The following SLC6A3 variants were observed in gnomAD, a reference collection of about 807,000 sequenced individuals.
The protein encoded by SLC6A3 is solute carrier family 6 member 3.
In SLC6A3, 19 loss-of-function variants were observed where a neutral mutation model predicts 70.4. The observed-to-expected ratio is 0.27, with a 90% CI of 0.19 to 0.40. The LOEUF is 0.40. SLC6A3 is among the 10% of genes least tolerant of loss of function. The probability of loss-of-function intolerance (pLI) is 1.00; values close to 1 mark genes in which losing one functional copy is unlikely to be tolerated. For missense variants in SLC6A3, 613 were observed against 838.5 expected (o/e 0.73, Z 3.32); for synonymous variants, 368 against 356.6 (o/e 1.03, Z -0.36).
Position 1,397,488 on chromosome 5 carries a change from G to A in SLC6A3, c.1840-2730C>T, listed in dbSNP as rs765792393. On this transcript the variant is annotated intron_variant, in intron 14 of 14. Transcript: ENST00000270349. This position sits in a 1 kb window ranked among gnomAD's most constrained non-coding sequence, Gnocchi z 4.7. ...AAAGAAACCCAGGTCCCGACACTCC[G>A]CAGTGAACCCGAGACACCGAAAGCA... Among the ~76,000 whole-genome samples, 4 of 152,154 alleles carry A rather than the reference G, an allele frequency of 2.6e-5. No individual in the cohort carries two copies. Among genetic ancestry groups the A allele is most frequent in the South Asian group, 2.1e-4 (1 of 4,828 alleles).
In SLC6A3 at chr5:1,406,486, C is replaced by G. The variant is rs1250241405; in HGVS notation, c.1499-198G>C. On this transcript the variant is annotated intron_variant, in intron 11 of 14. Transcript: ENST00000270349. This position sits in a 1 kb window ranked among gnomAD's most constrained non-coding sequence, Gnocchi z 8.8. Reference sequence around the variant, plus strand: ...TCGCTGACGGGTGGGAGCCCACGTGCCTGCTCCACCCTGGAGATGCACCAG... The same window carrying G: ...TCGCTGACGGGTGGGAGCCCACGTGGCTGCTCCACCCTGGAGATGCACCAG... 6.6e-6 allele frequency among the ~76,000 whole-genome samples: 1 copy of G among 152,150 alleles called. No homozygotes were observed. The highest frequency in any genetic ancestry group is 1.5e-5 in the Non-Finnish European group (1 of 68,008).
At chr5:1,403,202 A>G in intron 12 of SLC6A3, 113 bp from the exon 13 acceptor site, 1 of 1,262,014 alleles carries the variant, frequency 7.9e-7, no homozygotes, top group Admixed American at 2.0e-5. Context: ...ACAGCTGTGC[A>G]GGTGCAGACC....
At chr5:1,434,786 CT>C (rs34389111) in intron 3 of SLC6A3, among the ~76,000 whole-genome samples, 1 of 152,184 alleles carries the variant, frequency 6.6e-6, no homozygotes. Flanking sequence ...GCCTGGGTTG[CT>C]TTTTATAGTC....
chr5:1,411,717 T>G lies in SLC6A3; in HGVS notation c.1157-362A>C, dbSNP rs554119513. ...CCTTCATCCCAGGGACATCTGCTAATGTCCTTCGAGTTAGTTTTTCCTGCA... is the reference window on the plus strand; with the variant it reads ...CCTTCATCCCAGGGACATCTGCTAAGGTCCTTCGAGTTAGTTTTTCCTGCA... On this transcript the variant is annotated intron_variant, in intron 8 of 14. Coordinates refer to ENST00000270349, the MANE Select transcript of SLC6A3 (RefSeq NM_001044.5). This position sits in a 1 kb window ranked among gnomAD's most constrained non-coding sequence, Gnocchi z 6.5. Among the ~76,000 whole-genome samples the G allele has an allele frequency of 6.6e-6, 1 of 152,340 alleles. No individual in the cohort carries two copies. Among genetic ancestry groups the G allele is most frequent in the Admixed American group, 6.5e-5 (1 of 15,304 alleles).
Position 1,399,815 on chromosome 5 carries a change from C to T in SLC6A3, c.1839+1100G>A, listed in dbSNP as rs534218309. Among the ~76,000 whole-genome samples the T allele has an allele frequency of 7.2e-5, 11 of 152,310 alleles. No individual in the cohort carries two copies. The East Asian group carries it at 1.2e-3, about 16-fold the overall frequency. Reference sequence around the variant, plus strand: ...AGCTGTGCAGATGTGTGCTCAGAGGCGGCTTCTCCCCACTGCCTCCCGGCC... The same window carrying T: ...AGCTGTGCAGATGTGTGCTCAGAGGTGGCTTCTCCCCACTGCCTCCCGGCC... On this transcript the variant is annotated intron_variant, in intron 14 of 14. Coordinates refer to ENST00000270349, the MANE Select transcript of SLC6A3 (RefSeq NM_001044.5).
chr5:1,441,125 AG>A (rs1733648012), intron 3 of SLC6A3, among the ~76,000 whole-genome samples: 1 of 152,266 alleles, frequency 6.6e-6, no homozygotes, highest in Non-Finnish European at 1.5e-5. Context: ...ATCTTGACAA[AG>A]TAACACCACA....
At chr5:1,414,928 AG>A (rs886276754) in intron 7 of SLC6A3, 113 bp from the exon 8 acceptor site, 1 of 1,385,494 alleles carries the variant, frequency 7.2e-7, no homozygotes, top group Non-Finnish European at 1.0e-6. Context: ...AGGTCTTCGG[AG>A]GGGCTACTTT....
intron 4 of SLC6A3, among the ~76,000 whole-genome samples, chr5:1,429,393 G>A (rs1274463925): frequency 1.3e-5 from 2 of 152,188 alleles, no homozygotes; most frequent in African/African-American, 2.4e-5. Flanking sequence ...AGTGTACCAC[G>A]TGCCAGTGCG....
chr5:1,410,946 GTGTA>G (rs1171247573), intron 9 of SLC6A3, among the ~76,000 whole-genome samples: 1 of 147,744 alleles, frequency 6.8e-6, no homozygotes, highest in African/African-American at 2.4e-5. Flanking sequence ...ATGTGTGTGC[GTGTA>G]TGTGTGTGTG....
rs370835606 is a variant in SLC6A3, at chr5:1,420,859, C to A, written c.793-156G>T. On this transcript the variant is annotated intron_variant, in intron 5 of 14. Coordinates refer to ENST00000270349, the MANE Select transcript of SLC6A3 (RefSeq NM_001044.5). ...TGGGACGCCAGCTCAGCAAATGCTCCTTGGAGTGAGAAGGTCAGACACTTT... is the reference window on the plus strand; with the variant it reads ...TGGGACGCCAGCTCAGCAAATGCTCATTGGAGTGAGAAGGTCAGACACTTT... Among the ~76,000 whole-genome samples the A allele has an allele frequency of 1.3e-3, 201 of 152,342 alleles. 8 individuals are homozygous for A. The South Asian group carries it at 0.04, about 30-fold the overall frequency.
Position 1,411,189 on chromosome 5 carries a change from G to A in SLC6A3, c.1269+54C>T, listed in dbSNP as rs111498846. The A allele has an allele frequency of 1.9e-4, 246 of 1,276,142 alleles. No individual in the cohort carries two copies. The highest frequency in any genetic ancestry group is 1.8e-3 in the African/African-American group (121 of 67,684). The allele number at this position is 1,276,142 out of a possible 1,614,324, so 79.1% of individuals were successfully genotyped here. A position where few individuals can be genotyped will look rare whatever the true frequency, so the allele number is the denominator to read the frequency against. On this transcript the variant is annotated intron_variant, in intron 9 of 14. Coordinates refer to ENST00000270349, the MANE Select transcript of SLC6A3 (RefSeq NM_001044.5). The surrounding 1 kb of genome is among the most constrained non-coding windows in gnomAD (Gnocchi z 6.5). ...AGCCCTGGGAGGGCAGGGCCCCCTCGGGTGGAAGGAACCCAACTGCCGAGG... is the reference window on the plus strand; with the variant it reads ...AGCCCTGGGAGGGCAGGGCCCCCTCAGGTGGAAGGAACCCAACTGCCGAGG...
Position 1,421,788 on chromosome 5 carries a change from CA to C in SLC6A3, c.792+87del. On this transcript the variant is annotated intron_variant, in intron 5 of 14. Transcript: ENST00000270349. The surrounding 1 kb of genome is among the most constrained non-coding windows in gnomAD (Gnocchi z 7.2). Reference sequence around the variant, plus strand: ...TGGTAGCACAAAACCCAACTGAGGCCACACGTGCACCTCCTGTCCAGCCACG... The same window carrying C: ...TGGTAGCACAAAACCCAACTGAGGCCCACGTGCACCTCCTGTCCAGCCACG... 6.2e-6 allele frequency: 9 copies of C among 1,442,908 alleles called. No individual in the cohort carries two copies. The highest frequency in any genetic ancestry group is 8.7e-6 in the Non-Finnish European group (9 of 1,029,816). The allele number at this position is 1,442,908 out of a possible 1,614,324, so 89.4% of individuals were successfully genotyped here.
chr5:1,440,028 G>A (rs897352472), intron 3 of SLC6A3, among the ~76,000 whole-genome samples: 10 of 152,222 alleles, frequency 6.6e-5, no homozygotes, highest in African/African-American at 2.4e-4. Context: ...TGCTGGGCAG[G>A]CCACCTGCAC....
At chr5:1,399,635 G>C (rs1050970075) in intron 14 of SLC6A3, among the ~76,000 whole-genome samples, 1 of 152,200 alleles carries the variant, frequency 6.6e-6, no homozygotes, top group Admixed American at 6.5e-5. Flanking sequence ...GAGGCCCAGT[G>C]GGGAGGGGCT....
chr5:1,414,755 G>T lies in SLC6A3; in HGVS notation c.1092C>A (p.Val364=), dbSNP rs1356562684. The change falls in exon 8 of 15, where the codon GTC becomes GTA. Residue 364 remains valine (V), a synonymous_variant. Coordinates refer to ENST00000270349, the MANE Select transcript of SLC6A3 (RefSeq NM_001044.5). The part of the protein sequence containing the change: ...SLTSFSSGFV[V]FSFLGYMAQK... ...GTGCCATGTACCCCAGGAAGGAGAA[G>T]ACGACGAAGCCGGAGGAGAAGCTCG... The T allele has an allele frequency of 6.2e-7, 1 of 1,612,950 alleles. No individual in the cohort carries two copies. The highest frequency in any genetic ancestry group is 2.2e-5 in the East Asian group (1 of 44,884).
chr5:1,425,219 C>G (rs554856452), intron 4 of SLC6A3, among the ~76,000 whole-genome samples: 42 of 152,334 alleles, frequency 2.8e-4, no homozygotes, highest in African/African-American at 9.6e-4. Flanking sequence ...CAGGCATGCT[C>G]AGGCCTCCCA....
At chr5:1,399,813 G>T (rs1755801407) in intron 14 of SLC6A3, among the ~76,000 whole-genome samples, 1 of 152,220 alleles carries the variant, frequency 6.6e-6, no homozygotes. Context: ...TGTGCTCAGA[G>T]GCGGCTTCTC....
rs1162161793 is a variant in SLC6A3, at chr5:1,411,212, A to G, written c.1269+31T>C. 1 of 1,471,746 alleles carries G rather than the reference A, an allele frequency of 6.8e-7. No individual in the cohort carries two copies. The highest frequency in any genetic ancestry group is 9.3e-7 in the Non-Finnish European group (1 of 1,075,770). The allele number at this position is 1,471,746 out of a possible 1,614,324, so 91.2% of individuals were successfully genotyped here. On this transcript the variant is annotated intron_variant, in intron 9 of 14. Transcript: ENST00000270349. The surrounding 1 kb of genome is among the most constrained non-coding windows in gnomAD (Gnocchi z 6.5). ...TCGGGTGGAAGGAACCCAACTGCCG[A>G]GGACAGGGCCGGGCGGTGCGGGTTA...
chr5:1,418,225 T>C (rs1756352175), intron 6 of SLC6A3, among the ~76,000 whole-genome samples: 2 of 152,228 alleles, frequency 1.3e-5, no homozygotes, highest in Middle Eastern at 3.4e-3. Flanking sequence ...CACCCTGATC[T>C]GTGTGTGCAG....
Sources: gnomAD v4.1 joint callset for allele counts (sites outside exome capture counted in the v4.1 genomes callset) on GRCh38, gnomAD v4.1.1 for gene constraint, Gnocchi (gnomAD v3.1) non-coding constraint, MANE v1.5 for transcripts, NCBI Gene and HGNC (gene_info 2026-07-23, HGNC 2026-07-21) for gene names.